Variants in STXBP5L observed in about 807,000 individuals in gnomAD.
STXBP5L encodes syntaxin-binding protein 5-like.
Under a neutral mutation model 144.5 loss-of-function variants are expected in STXBP5L, and 65 were observed. The observed-to-expected ratio is 0.45, with a 90% CI of 0.37 to 0.55. The LOEUF is 0.55. STXBP5L is among the 20% of genes least tolerant of loss of function. The pLI is 0.00. For missense variants in STXBP5L, 1,298 were observed against 1,405.5 expected, an observed-to-expected ratio of 0.92 and a Z score of 1.22; for synonymous variants, 505 against 469.6, an observed-to-expected ratio of 1.08 and a Z score of -0.97.
chr3:121,090,926 C>A (rs1348180536), intron 5 of STXBP5L, among the ~76,000 whole-genome samples: 1 of 110,740 alleles, frequency 9.0e-6, no homozygotes, highest in Non-Finnish European at 1.7e-5. Flanking sequence ...TATCCCTCCC[C>A]CCTCCCCCCA....
chr3:120,963,758 C>A (rs1250464517), intron 3 of STXBP5L, among the ~76,000 whole-genome samples: 1 of 152,088 alleles, frequency 6.6e-6, no homozygotes, highest in Non-Finnish European at 1.5e-5. Context: ...CCCTGCCAGG[C>A]TTTTGTATCG....
intron 9 of STXBP5L, among the ~76,000 whole-genome samples, chr3:121,168,089 C>T (rs571899371): frequency 1.3e-5 from 2 of 152,172 alleles, no homozygotes; most frequent in African/African-American, 2.4e-5. Flanking sequence ...GAGAAAAAGG[C>T]CCTGACTCTT....
intron 5 of STXBP5L, among the ~76,000 whole-genome samples, chr3:121,108,422 A>T (rs2043817276): frequency 6.6e-6 from 1 of 152,214 alleles, no homozygotes; most frequent in African/African-American, 2.4e-5. Flanking sequence ...TTTAACATGA[A>T]GAGATGTTGA....
chr3:120,997,404 A>G (rs951600544), intron 3 of STXBP5L, among the ~76,000 whole-genome samples: 3 of 152,230 alleles, frequency 2.0e-5, no homozygotes, highest in Admixed American at 1.3e-4. Context: ...TTACATTGCC[A>G]TCAGCAGTGA....
At chr3:121,168,443 G>T (rs2046579887) in intron 9 of STXBP5L, among the ~76,000 whole-genome samples, 1 of 152,142 alleles carries the variant, frequency 6.6e-6, no homozygotes, top group Non-Finnish European at 1.5e-5. Context: ...AGAACCTTGA[G>T]AAAAGGTTAG....
At chr3:121,315,121 C>A (rs1212644546) in intron 19 of STXBP5L, among the ~76,000 whole-genome samples, 1 of 152,116 alleles carries the variant, frequency 6.6e-6, no homozygotes, top group Non-Finnish European at 1.5e-5. Flanking sequence ...TTGACCCAGC[C>A]ATCCCATTAC....
chr3:121,221,302 A>G lies in STXBP5L; in HGVS notation c.957-1701A>G, dbSNP rs1254456129. 5.9e-5 allele frequency among the ~76,000 whole-genome samples: 9 copies of G among 152,012 alleles called. No homozygotes were observed. In the East Asian group the frequency reaches 1.4e-3, roughly 23 times the overall value. ...GCAGAAGAGGTTTTACTTCCTTTCAATATTAGAGAGGACATATTTCCAATG... is the reference window on the plus strand; with the variant it reads ...GCAGAAGAGGTTTTACTTCCTTTCAGTATTAGAGAGGACATATTTCCAATG... On this transcript the variant is annotated intron_variant, in intron 10 of 26. Coordinates refer to ENST00000471454, the MANE Select transcript of STXBP5L (RefSeq NM_001308330.2).
chr3:121,415,134 G>A (rs1017139349), intron 24 of STXBP5L, among the ~76,000 whole-genome samples: 6 of 152,130 alleles, frequency 3.9e-5, no homozygotes, highest in African/African-American at 1.4e-4. Flanking sequence ...CAGATCTCCT[G>A]ACTCAGTCTA....
chr3:121,190,032 A>C (rs1374731644), intron 9 of STXBP5L, among the ~76,000 whole-genome samples: 1 of 151,828 alleles, frequency 6.6e-6, no homozygotes. Context: ...CCATTTTAAT[A>C]AGCTTTGGTT....
chr3:121,114,939 A>G lies in STXBP5L; in HGVS notation c.485A>G (p.His162Arg). The stretch of plus-strand genomic sequence containing the variant: ...CTTTCTTTCAGAATTACTTACTGTC[A>G]TCTACCTTTCCAGAGTAAATGGCTT... The part of the protein sequence containing the change: ...KFNRERITYC[H>R]LPFQSKWLYV... Residue 162 changes from histidine (H) to arginine (R), a missense_variant, in exon 6 of 27, where the codon CAT (histidine) becomes CGT (arginine). His to Arg is a conservative substitution (Grantham distance 29). Coordinates refer to ENST00000471454, the MANE Select transcript of STXBP5L (RefSeq NM_001308330.2). 3.9e-6 allele frequency: 6 copies of G among 1,557,106 alleles called. No individual in the cohort carries two copies. Among genetic ancestry groups the G allele is most frequent in the Non-Finnish European group, 5.2e-6 (6 of 1,154,908 alleles).
At chr3:121,023,217 C>T (rs1945689048) in intron 3 of STXBP5L, among the ~76,000 whole-genome samples, 2 of 151,716 alleles carry the variant, frequency 1.3e-5, no homozygotes, top group African/African-American at 4.8e-5. Context: ...ACAAGGAAAA[C>T]TACAAAACAC....
intron 22 of STXBP5L, 137 bp from the exon 23 acceptor site, chr3:121,407,106 A>G: frequency 9.1e-7 from 1 of 1,101,400 alleles, no homozygotes; most frequent in Non-Finnish European, 1.2e-6. Context: ...AGATGAGCTC[A>G]CAAATCTACA....
intron 5 of STXBP5L, among the ~76,000 whole-genome samples, chr3:121,077,079 A>G (rs1167528235): frequency 5.3e-5 from 8 of 152,116 alleles, no homozygotes; most frequent in Admixed American, 5.2e-4. Context: ...TCCTGAGACC[A>G]TCTCTTTCAC....
chr3:121,151,424 G>T (rs1366787970), intron 7 of STXBP5L, among the ~76,000 whole-genome samples: 1 of 151,974 alleles, frequency 6.6e-6, no homozygotes, highest in Non-Finnish European at 1.5e-5. Context: ...GAAACCTTTT[G>T]TGTTTTTACT....
chr3:121,349,117 A>T (rs949513205), intron 20 of STXBP5L, among the ~76,000 whole-genome samples: 3 of 152,052 alleles, frequency 2.0e-5, no homozygotes, highest in Non-Finnish European at 4.4e-5. Flanking sequence ...TTCCCTCTAC[A>T]CACTGCTTTA....
chr3:120,980,513 T>C (rs2107870120), intron 3 of STXBP5L, among the ~76,000 whole-genome samples: 1 of 152,200 alleles, frequency 6.6e-6, no homozygotes, highest in Non-Finnish European at 1.5e-5. Flanking sequence ...CTGGTGTAAG[T>C]ATAGCTATTC....
intron 19 of STXBP5L, among the ~76,000 whole-genome samples, chr3:121,315,280 A>G (rs1197152626): frequency 6.6e-6 from 1 of 152,172 alleles, no homozygotes; most frequent in East Asian, 1.9e-4. Flanking sequence ...TGTGGCACAT[A>G]TACACCATGG....
chr3:121,216,353 G>A lies in STXBP5L; in HGVS notation c.957-6650G>A, dbSNP rs147244105. Among the ~76,000 whole-genome samples the A allele has an allele frequency of 9.7e-4, 147 of 152,116 alleles. 2 individuals carry two copies. Among genetic ancestry groups the A allele is most frequent in the East Asian group, 5.2e-3 (27 of 5,174 alleles). Reference sequence around the variant, plus strand: ...TTTACCTTTGGTCTTGGTGACCTTCGGATGGGGTTTTTGTGTGGATGTCCT... The same window carrying A: ...TTTACCTTTGGTCTTGGTGACCTTCAGATGGGGTTTTTGTGTGGATGTCCT... On this transcript the variant is annotated intron_variant, in intron 10 of 26. Coordinates refer to ENST00000471454, the MANE Select transcript of STXBP5L (RefSeq NM_001308330.2).
chr3:120,976,634 G>A (rs1490021647), intron 3 of STXBP5L, among the ~76,000 whole-genome samples: 1 of 152,002 alleles, frequency 6.6e-6, no homozygotes, highest in Non-Finnish European at 1.5e-5. Flanking sequence ...TAATTGTGAT[G>A]TTAGGGTGTC....
Sources: gnomAD v4.1 joint callset for allele counts (sites outside exome capture counted in the v4.1 genomes callset) on GRCh38, gnomAD v4.1.1 for gene constraint, MANE v1.5 for transcripts, NCBI Gene and HGNC (gene_info 2026-07-23, HGNC 2026-07-21) for gene names.